BAZ1B: variants seen among roughly 807,000 people sequenced by gnomAD.
BAZ1B encodes bromodomain adjacent to zinc finger domain 1B.
Under a neutral mutation model 153.8 loss-of-function variants are expected in BAZ1B, and 22 were observed. The ratio of observed to expected loss-of-function variants is 0.14; its 90% CI spans 0.10 to 0.20. The LOEUF (loss-of-function observed/expected upper bound fraction) is 0.20. Ranked by LOEUF, BAZ1B falls within the 10% of genes least tolerant of loss-of-function variation. The pLI, the probability that BAZ1B is intolerant of heterozygous loss-of-function variation, is 1.00. For synonymous variants in BAZ1B, 676 were observed against 633.4 expected, an observed-to-expected ratio of 1.07 and a Z score of -1.01; for missense variants, 1,325 against 1,799.3, an observed-to-expected ratio of 0.74 and a Z score of 4.77.
At chr7:73,493,790 G>C (rs1326369667) in intron 4 of BAZ1B, among the ~76,000 whole-genome samples, 1 of 146,118 alleles carries the variant, frequency 6.8e-6, no homozygotes, top group Non-Finnish European at 1.5e-5. Context: ...AGTGAGCCCT[G>C]ATCTTGCGAC....
chr7:73,493,102 A>G (rs1236503709), intron 4 of BAZ1B, among the ~76,000 whole-genome samples, 181 bp from the exon 5 acceptor site: 2 of 152,222 alleles, frequency 1.3e-5, no homozygotes, highest in Admixed American at 6.5e-5. Flanking sequence ...CAGCAAGTAA[A>G]TAACTACAAT....
At position 73,521,920 on chromosome 7, in the gene BAZ1B, A is replaced by G; in HGVS notation, c.14T>C (p.Leu5Pro). 6.8e-7 allele frequency: 1 copy of G among 1,470,442 alleles called. No homozygotes were observed. The highest frequency in any genetic ancestry group is 9.1e-7 in the Non-Finnish European group (1 of 1,104,144). 91.1% of individuals were successfully genotyped at this position (1,470,442 alleles called of 1,614,324 possible). The change falls in exon 1 of 20, where the codon CTG (leucine) becomes CCG (proline). Residue 5 changes from leucine to proline, a missense_variant. By Grantham distance (98) the Leu-to-Pro change is moderately conservative. This residue lies in a region of BAZ1B where 61 missense variants were observed against 61.5 expected (regional missense o/e 0.99). Transcript: ENST00000339594. MAPL[L>P]GRKPFPLVKP... is the part of the protein sequence containing the mutation. ...CACCAGCGGGAAGGGCTTGCGGCCC[A>G]GGAGCGGCGCCATCGCGGCGGCGGC...
At chr7:73,488,568 C>A (rs565301264) in intron 6 of BAZ1B, among the ~76,000 whole-genome samples, 20 of 152,032 alleles carry the variant, frequency 1.3e-4, no homozygotes, top group African/African-American at 4.8e-4. Flanking sequence ...CCCATCTCTA[C>A]TAAAAATAGA....
chr7:73,496,657 T>C (rs1463361709), intron 4 of BAZ1B, among the ~76,000 whole-genome samples: 4 of 152,122 alleles, frequency 2.6e-5, no homozygotes, highest in Non-Finnish European at 5.9e-5. Context: ...CAAATCTCAA[T>C]TGTTCAAATT....
chr7:73,492,684 A>G (rs1333919507), intron 5 of BAZ1B, 116 bp downstream of exon 5: 2 of 1,043,320 alleles, frequency 1.9e-6, no homozygotes, highest in Admixed American at 5.6e-5. Flanking sequence ...AACCACTCAG[A>G]ATCTGCTGTA....
intron 7 of BAZ1B, among the ~76,000 whole-genome samples, chr7:73,475,520 T>C (rs2116331230): frequency 6.6e-6 from 1 of 152,320 alleles, no homozygotes; most frequent in South Asian, 2.1e-4. Flanking sequence ...CCAGAATAGG[T>C]AAATCCATAG....
At chr7:73,463,155 TC>T in intron 11 of BAZ1B, 56 bp from the exon 12 acceptor site, 1 of 1,448,178 alleles carries the variant, frequency 6.9e-7, no homozygotes, top group Non-Finnish European at 9.4e-7. Flanking sequence ...AAGATGTTCT[TC>T]AAATTTCAAT....
rs1554564835 is a variant in BAZ1B, at chr7:73,441,220, G to C, written c.*489C>G. On this transcript the variant is annotated 3_prime_UTR_variant, in exon 20 of 20. Coordinates refer to ENST00000339594, the MANE Select transcript of BAZ1B (RefSeq NM_032408.4). ...AAGTTAGAGCAAACACATTATCATA[G>C]AAACTGTACTGTACATGTGCTAAAG... 6.6e-6 allele frequency: 1 copy of C among 152,656 alleles called. No individual in the cohort carries two copies. The highest frequency in any genetic ancestry group is 1.9e-4 in the East Asian group (1 of 5,202). 9.5% of individuals were successfully genotyped at this position (152,656 alleles called of 1,614,324 possible). A position where few individuals can be genotyped will look rare whatever the true frequency, so the allele number is the denominator to read the frequency against.
Position 73,442,754 on chromosome 7 carries a change from G to A in BAZ1B, c.4065C>T (p.Ile1355=), listed in dbSNP as rs140665563. 1.7e-4 allele frequency: 270 copies of A among 1,614,054 alleles called. No homozygotes were observed. The highest frequency in any genetic ancestry group is 2.2e-4 in the Admixed American group (13 of 60,008). Residue 1355 remains isoleucine, a synonymous_variant, in exon 18 of 20, where the codon ATC becomes ATT. Transcript: ENST00000339594. The part of the protein sequence containing the change: ...LQKCEEILHK[I]VKYRFSWPFR... The stretch of plus-strand genomic sequence containing the variant: ...AGGGCCAGCTGAAGCGGTACTTCAC[G>A]ATCTTGTGGAGGATCTCTTCACACT...
intron 5 of BAZ1B, among the ~76,000 whole-genome samples, chr7:73,491,345 T>C (rs570437906): frequency 6.6e-6 from 1 of 152,084 alleles, no homozygotes; most frequent in Non-Finnish European, 1.5e-5. Context: ...ACGCTTGTAA[T>C]CCCAGCACTT....
At chr7:73,490,021 A>G (rs782168129) in intron 5 of BAZ1B, among the ~76,000 whole-genome samples, 11 of 152,224 alleles carry the variant, frequency 7.2e-5, no homozygotes, top group Non-Finnish European at 1.3e-4. Context: ...AGGTACACCA[A>G]TAAGGGATTT....
chr7:73,454,487 T>A (rs1284138531), intron 13 of BAZ1B, among the ~76,000 whole-genome samples: 1 of 152,114 alleles, frequency 6.6e-6, no homozygotes, highest in Non-Finnish European at 1.5e-5. Context: ...TCACATATCA[T>A]CCTCGGCCTC....
rs1464835852 is a variant in BAZ1B, at chr7:73,443,929, G to A, written c.3990+55C>T. ...GTTGCCTGATGAATTCCTAATTGCT[G>A]GGGTAGGGAATAAGAAACAGAAAGG... On this transcript the variant is annotated intron_variant, in intron 17 of 19. Coordinates refer to ENST00000339594, the MANE Select transcript of BAZ1B (RefSeq NM_032408.4). The A allele has an allele frequency of 2.5e-6, 4 of 1,608,032 alleles. No individual in the cohort carries two copies. The African/African-American group carries it at 5.4e-5, about 22-fold the overall frequency.
chr7:73,466,663 G>C (rs1788597715), intron 9 of BAZ1B, among the ~76,000 whole-genome samples: 2 of 152,168 alleles, frequency 1.3e-5, no homozygotes, highest in African/African-American at 4.8e-5. Context: ...TTAGAATGAA[G>C]AATGACTAAA....
Position 73,447,391 on chromosome 7 carries a change from A to C in BAZ1B, c.3729-12T>G, listed in dbSNP as rs782669231. The C allele has an allele frequency of 5.9e-5, 94 of 1,606,072 alleles. 1 individual carries two copies. The South Asian group carries it at 1.0e-3, about 17-fold the overall frequency. ...CTTCAGTATAGTTCCTGTGGGTAGA[A>C]AAAATAATGTAGGGAACACAGTTTT... On this transcript the variant is annotated splice_polypyrimidine_tract_variant and intron_variant, in intron 15 of 19. Coordinates refer to ENST00000339594, the MANE Select transcript of BAZ1B (RefSeq NM_032408.4).
intron 2 of BAZ1B, 73 bp downstream of exon 2, chr7:73,510,663 C>G: frequency 7.2e-7 from 1 of 1,393,312 alleles, no homozygotes; most frequent in Non-Finnish European, 1.0e-6. Flanking sequence ...ACACATACTG[C>G]TTTAGGGTTA....
chr7:73,469,748 T>C, intron 8 of BAZ1B, 98 bp from the exon 9 acceptor site: 2 of 1,389,170 alleles, frequency 1.4e-6, no homozygotes, highest in Non-Finnish European at 2.0e-6. Flanking sequence ...CACTGAGCAT[T>C]CAAAACCACA....
At chr7:73,494,187 G>A (rs1197449682) in intron 4 of BAZ1B, among the ~76,000 whole-genome samples, 2 of 151,990 alleles carry the variant, frequency 1.3e-5, no homozygotes, top group East Asian at 3.9e-4. Flanking sequence ...TTCGAGACCA[G>A]CCTGGCCAGC....
chr7:73,512,512 T>C (rs1554578732), intron 1 of BAZ1B, among the ~76,000 whole-genome samples: 1 of 152,168 alleles, frequency 6.6e-6, no homozygotes, highest in Admixed American at 6.6e-5. Context: ...ATTCAGAAGA[T>C]CATTTACTAG....
Sources: allele counts gnomAD v4.1 joint callset (sites outside exome capture counted in the v4.1 genomes callset), GRCh38; gene constraint gnomAD v4.1.1; regional missense constraint gnomAD v4.1.1; transcripts MANE v1.5; gene names NCBI Gene and HGNC (gene_info 2026-07-23, HGNC 2026-07-21).